Variants in SYN3 observed in about 807,000 individuals in gnomAD.
SYN3 encodes synapsin III.
Under a neutral mutation model 65.8 loss-of-function variants are expected in SYN3, and 35 were observed. The observed-to-expected ratio is 0.53, with a 90% CI of 0.41 to 0.70. The LOEUF (loss-of-function observed/expected upper bound fraction) is 0.70, where lower values mean the gene tolerates loss of function less well. SYN3 is among the 30% of genes least tolerant of loss of function. The probability of loss-of-function intolerance (pLI) is 0.00; values close to 1 mark genes in which losing one functional copy is unlikely to be tolerated. For missense variants in SYN3, 680 were observed against 749.0 expected (o/e 0.91, Z 1.08); for synonymous variants, 270 against 292.9 (o/e 0.92, Z 0.80).
chr22:32,556,159 T>C (rs1483521543), intron 7 of SYN3, among the ~76,000 whole-genome samples: 1 of 152,240 alleles, frequency 6.6e-6, no homozygotes, highest in Non-Finnish European at 1.5e-5. Context: ...TATTAAGTAG[T>C]TAGAGCGAAA....
intron 1 of SYN3, among the ~76,000 whole-genome samples, chr22:33,049,204 C>T (rs2054119414): frequency 6.6e-6 from 1 of 152,120 alleles, no homozygotes; most frequent in South Asian, 2.1e-4. Context: ...TAATTTACTC[C>T]CGCTTGATAG....
chr22:32,745,135 G>A (rs1182445437), intron 6 of SYN3, among the ~76,000 whole-genome samples: 1 of 152,216 alleles, frequency 6.6e-6, no homozygotes, highest in Non-Finnish European at 1.5e-5. Context: ...GGAGGAGCCA[G>A]GATTTGAATC....
intron 7 of SYN3, among the ~76,000 whole-genome samples, chr22:32,577,302 C>G (rs1296405105): frequency 6.6e-6 from 1 of 152,186 alleles, no homozygotes; most frequent in Non-Finnish European, 1.5e-5. Flanking sequence ...TTTGGAGACA[C>G]AGCTGAAGTT....
chr22:32,750,477 T>C (rs1212852664), intron 6 of SYN3, among the ~76,000 whole-genome samples: 1 of 151,938 alleles, frequency 6.6e-6, no homozygotes, highest in Non-Finnish European at 1.5e-5. Flanking sequence ...GGATGAGGTC[T>C]GAGAAATAAC....
At chr22:32,530,731 G>A (rs149887711) in intron 10 of SYN3, among the ~76,000 whole-genome samples, 14 of 152,068 alleles carry the variant, frequency 9.2e-5, no homozygotes, top group Admixed American at 3.3e-4. Flanking sequence ...CTGGCTGGGC[G>A]CGGTGGCTCA....
chr22:32,708,415 G>A (rs906733161), intron 6 of SYN3, among the ~76,000 whole-genome samples: 1 of 152,194 alleles, frequency 6.6e-6, no homozygotes, highest in Non-Finnish European at 1.5e-5. Flanking sequence ...TTTCTCTAAG[G>A]CTCTGACAAC....
rs1026484737 is a variant in SYN3 at position 32,672,408 on chromosome 22, G to A, written c.712-75672C>T. ...TTTGGTTTGGAGCTATTTTCTCAGT[G>A]AGCAGTCATCAACGTAAAGAAACTG... On this transcript the variant is annotated intron_variant, in intron 6 of 13. Coordinates refer to ENST00000358763, the MANE Select transcript of SYN3 (RefSeq NM_003490.4). Among the ~76,000 whole-genome samples the A allele has an allele frequency of 2.0e-5, 3 of 152,320 alleles. No homozygotes were observed. In the South Asian group the frequency reaches 6.2e-4, roughly 32 times the overall value.
At chr22:32,672,499 G>A (rs1205064808) in intron 6 of SYN3, among the ~76,000 whole-genome samples, 7 of 152,168 alleles carry the variant, frequency 4.6e-5, no homozygotes, top group Non-Finnish European at 7.3e-5. Context: ...GGAGTCAGGC[G>A]TCTTCTCCCC....
At chr22:32,574,121 G>A (rs890314087) in intron 7 of SYN3, among the ~76,000 whole-genome samples, 2 of 151,576 alleles carry the variant, frequency 1.3e-5, no homozygotes, top group African/African-American at 2.4e-5. Context: ...CTCCCTCTCA[G>A]GGCCCTTTCC....
chr22:32,949,058 A>G (rs576233595), intron 3 of SYN3, among the ~76,000 whole-genome samples: 1 of 152,120 alleles, frequency 6.6e-6, no homozygotes, highest in African/African-American at 2.4e-5. Context: ...CTCTAATCCC[A>G]AAATCCAAAA....
At chr22:32,748,928 G>C (rs2045025240) in intron 6 of SYN3, among the ~76,000 whole-genome samples, 1 of 152,162 alleles carries the variant, frequency 6.6e-6, no homozygotes, top group Non-Finnish European at 1.5e-5. Flanking sequence ...TTTGGGTTCT[G>C]TTTCCTGGGT....
At chr22:32,992,539 G>A (rs1333229491) in intron 2 of SYN3, among the ~76,000 whole-genome samples, 3 of 152,136 alleles carry the variant, frequency 2.0e-5, no homozygotes, top group Admixed American at 6.5e-5. Flanking sequence ...TCTGCCAGGC[G>A]TGGTGGCTCA....
At chr22:33,007,719 C>T (rs551441577) in intron 1 of SYN3, among the ~76,000 whole-genome samples, 188 of 152,286 alleles carry the variant, frequency 1.2e-3, no homozygotes, top group African/African-American at 4.4e-3. Flanking sequence ...GCCTCCAGAA[C>T]TGTGAGAAAT....
At chr22:32,913,184 G>A (rs1372658559) in intron 4 of SYN3, among the ~76,000 whole-genome samples, 1 of 148,164 alleles carries the variant, frequency 6.7e-6, no homozygotes, top group Non-Finnish European at 1.5e-5. Flanking sequence ...TTTTTGAGAT[G>A]GAGTCTCGCT....
At chr22:33,051,380 C>T (rs574858848) in intron 1 of SYN3, among the ~76,000 whole-genome samples, 1 of 152,274 alleles carries the variant, frequency 6.6e-6, no homozygotes, top group African/African-American at 2.4e-5. Context: ...TCTTGAATTA[C>T]TTATGAAATG....
chr22:33,042,793 G>A (rs964977234), intron 1 of SYN3, among the ~76,000 whole-genome samples: 2 of 152,178 alleles, frequency 1.3e-5, no homozygotes, highest in African/African-American at 4.8e-5. Flanking sequence ...GGAATCTTGA[G>A]TAGGAGTCAG....
At chr22:32,658,483 T>C (rs2060173328) in intron 6 of SYN3, among the ~76,000 whole-genome samples, 1 of 152,224 alleles carries the variant, frequency 6.6e-6, no homozygotes, top group African/African-American at 2.4e-5. Context: ...GGTTAGAAGC[T>C]GGACAGCCAA....
chr22:33,029,871 T>C (rs1306642637), intron 1 of SYN3, among the ~76,000 whole-genome samples: 4 of 152,186 alleles, frequency 2.6e-5, no homozygotes, highest in South Asian at 2.1e-4. Context: ...AGCTCGGTTA[T>C]ACAGAGGCAC....
Position 32,869,029 on chromosome 22 carries a change from A to G in SYN3, c.558T>C (p.Tyr186=). 6.2e-7 allele frequency: 1 copy of G among 1,614,134 alleles called. No homozygotes were observed. Among genetic ancestry groups the G allele is most frequent in the Non-Finnish European group, 8.5e-7 (1 of 1,180,022 alleles). ...GAGAGTTGACAGCAGGCAGCCCTCC[A>G]TACTGCAGGCCGATGACCAGGCTGC... is the stretch of plus-strand genomic sequence containing the variant. The part of the protein sequence containing the change: ...DYRSLVIGLQ[Y]GGLPAVNSLY... The change falls in exon 5 of 14, where the codon TAT becomes TAC. Residue 186 remains tyrosine, a synonymous_variant. Coordinates refer to ENST00000358763, the MANE Select transcript of SYN3 (RefSeq NM_003490.4).
Sources: allele counts gnomAD v4.1 joint callset (sites outside exome capture counted in the v4.1 genomes callset), GRCh38; gene constraint gnomAD v4.1.1; transcripts MANE v1.5; gene names NCBI Gene and HGNC (gene_info 2026-07-23, HGNC 2026-07-21).